Variants in GPAM observed in about 807,000 individuals in gnomAD.
GPAM encodes glycerol-3-phosphate acyltransferase, mitochondrial.
GPAM carries 56 observed loss-of-function variants against 105.0 expected under a neutral mutation model. The ratio of observed to expected loss-of-function variants is 0.53; its 90% CI spans 0.43 to 0.67. GPAM has a LOEUF of 0.67. Among genes scored for constraint, GPAM ranks in the 30% least tolerant of loss-of-function variants. The pLI, the probability that GPAM is intolerant of heterozygous loss-of-function variation, is 0.00. For synonymous variants in GPAM, 368 were observed against 354.4 expected, an observed-to-expected ratio of 1.04 and a Z score of -0.43; for missense variants, 855 against 989.8, an observed-to-expected ratio of 0.86 and a Z score of 1.83.
At chr10:112,192,350 A>G (rs1274252312) in intron 1 of GPAM, among the ~76,000 whole-genome samples, 2 of 152,244 alleles carry the variant, frequency 1.3e-5, no homozygotes, top group Non-Finnish European at 2.9e-5. Context: ...GGATGGAGAC[A>G]GTAGGAAGAA....
Position 112,157,566 on chromosome 10 carries a change from G to A in GPAM, c.1981-177C>T, listed in dbSNP as rs149104507. 3.3e-3 allele frequency among the ~76,000 whole-genome samples: 497 copies of A among 152,238 alleles called. 2 individuals are homozygous for A. The highest frequency in any genetic ancestry group is 0.012 in the African/African-American group (479 of 41,522). ...CTCAAACTCAGTCAGGAGACAGCAG[G>A]AGACAAAAGAAAGGGCAGGTGGGAG... On this transcript the variant is annotated intron_variant, in intron 18 of 21. Transcript: ENST00000348367.
chr10:112,199,479 T>C (rs1441268974), intron 1 of GPAM, among the ~76,000 whole-genome samples: 1 of 152,162 alleles, frequency 6.6e-6, no homozygotes, highest in African/African-American at 2.4e-5. Context: ...TTGTACAGCA[T>C]AGTGACTATA....
chr10:112,212,761 C>T (rs1488888519), intron 1 of GPAM, among the ~76,000 whole-genome samples: 1 of 152,190 alleles, frequency 6.6e-6, no homozygotes, highest in African/African-American at 2.4e-5. Context: ...TCATCTGAAA[C>T]ACAGGGTGGT....
At chr10:112,227,271 G>A in the GPAM span, among the ~76,000 whole-genome samples, 1 of 152,216 alleles carries the variant, frequency 6.6e-6, no homozygotes, top group Non-Finnish European at 1.5e-5. Context: ...GACAGTTAAT[G>A]TGATCTTTCC....
At chr10:112,189,107 C>T (rs1214773250) in intron 1 of GPAM, among the ~76,000 whole-genome samples, 1 of 152,066 alleles carries the variant, frequency 6.6e-6, no homozygotes, top group Non-Finnish European at 1.5e-5. Flanking sequence ...AACTGACTTG[C>T]AAAAATCTAA....
Position 112,161,686 on chromosome 10 carries a change from A to T in GPAM, c.1475T>A (p.Leu492His). ...ACATACCTGCCTGTGTCTGTAGAGG[A>T]GCAGGCAAGCCACAATGTGTGTGGA... ...IMSTHIVACLLLYRHRQGIDL... is the reference protein window; with the variant it reads ...IMSTHIVACLHLYRHRQGIDL... Residue 492 changes from leucine (L) to histidine (H), a missense_variant, in exon 15 of 22, where the codon CTC becomes CAC. Transcript: ENST00000348367. 6.2e-7 allele frequency: 1 copy of T among 1,613,300 alleles called. No individual in the cohort carries two copies. The highest frequency in any genetic ancestry group is 8.5e-7 in the Non-Finnish European group (1 of 1,179,334).
At chr10:112,184,340 T>G (rs534469826), upstream of GPAM, among the ~76,000 whole-genome samples, 2 of 152,174 alleles carry the variant, frequency 1.3e-5, no homozygotes, top group Non-Finnish European at 2.9e-5. Context: ...TAATAATGTA[T>G]TATACAGTTC....
At chr10:112,177,872 A>G (rs1157936503) in intron 5 of GPAM, 112 bp downstream of exon 5, 2 of 670,526 alleles carry the variant, frequency 3.0e-6, no homozygotes, top group African/African-American at 1.8e-5. Context: ...TCAGAAACTC[A>G]TATTCTATTC....
intron 1 of GPAM, among the ~76,000 whole-genome samples, chr10:112,199,071 C>T (rs968956609): frequency 3.3e-5 from 5 of 150,564 alleles, no homozygotes; most frequent in Admixed American, 6.6e-5. Context: ...TACAGACACA[C>T]GCCGCCACGC....
intron 12 of GPAM, among the ~76,000 whole-genome samples, chr10:112,165,359 A>G: frequency 6.6e-6 from 1 of 152,110 alleles, no homozygotes; most frequent in Non-Finnish European, 1.5e-5. Flanking sequence ...ATTCTACACA[A>G]TAGGACATAG....
At chr10:112,173,887 TACTACA>T in intron 6 of GPAM, 42 bp from the exon 7 acceptor site, 1 of 1,490,058 alleles carries the variant, frequency 6.7e-7, no homozygotes, top group Non-Finnish European at 9.4e-7. Flanking sequence ...ATTGTTTCTA[TACTACA>T]TTCTGTATTC....
At chr10:112,193,486 T>G (rs1198198117) in intron 1 of GPAM, among the ~76,000 whole-genome samples, 1 of 152,146 alleles carries the variant, frequency 6.6e-6, no homozygotes. Context: ...GGATGGGGAA[T>G]AGATCCAAGG....
intron 1 of GPAM, among the ~76,000 whole-genome samples, chr10:112,202,991 A>G (rs1026804516): frequency 6.6e-6 from 1 of 152,134 alleles, no homozygotes; most frequent in African/African-American, 2.4e-5. Context: ...GAACTTTGAG[A>G]AGGTGGGAGA....
intron 1 of GPAM, among the ~76,000 whole-genome samples, chr10:112,213,340 A>G (rs1847933777): frequency 6.6e-6 from 1 of 152,166 alleles, no homozygotes. Context: ...AAATGGGTTG[A>G]CACTCACCTC....
intron 1 of GPAM, among the ~76,000 whole-genome samples, chr10:112,193,549 C>T (rs1847687662): frequency 6.6e-6 from 1 of 152,168 alleles, no homozygotes; most frequent in South Asian, 2.1e-4. Flanking sequence ...GGGTTAGAAA[C>T]TATTATTACT....
chr10:112,180,572 G>A lies in GPAM; in HGVS notation c.126C>T (p.Thr42=), dbSNP rs549878574. The change falls in exon 4 of 22, where the codon ACC becomes ACT. Residue 42 remains threonine, a synonymous_variant. Coordinates refer to ENST00000348367, the MANE Select transcript of GPAM (RefSeq NM_001244949.2). ...ATTTTAAAGTTGCAGATCTGAAGAT[G>A]GTGGGTCTAAAGCCACACTCACCCT... ...EEWGECGFRP[T]IFRSATLKWK... The A allele has an allele frequency of 3.0e-5, 48 of 1,609,984 alleles. No individual in the cohort carries two copies. Among genetic ancestry groups the A allele is most frequent in the African/African-American group, 2.1e-4 (16 of 74,868 alleles).
chr10:112,161,537 A>G lies in GPAM; in HGVS notation c.1494+130T>C. On this transcript the variant is annotated intron_variant, in intron 15 of 21. Transcript: ENST00000348367. Reference sequence around the variant, plus strand: ...ATAAGCTCCTTTGGGCAGGGTCCTCAGCTTATTTTACTGTTTACCTCATAG... The same window carrying G: ...ATAAGCTCCTTTGGGCAGGGTCCTCGGCTTATTTTACTGTTTACCTCATAG... The G allele has an allele frequency of 8.2e-6, 6 of 730,100 alleles. 1 individual carries two copies. The highest frequency in any genetic ancestry group is 7.4e-5 in the South Asian group (5 of 67,178). The allele number at this position is 730,100 out of a possible 1,614,324, so 45.2% of individuals were successfully genotyped here. A position where few individuals can be genotyped will look rare whatever the true frequency, so the allele number is the denominator to read the frequency against.
chr10:112,200,157 T>G (rs1034210235), intron 1 of GPAM, among the ~76,000 whole-genome samples: 1 of 117,848 alleles, frequency 8.5e-6, no homozygotes, highest in Non-Finnish European at 1.7e-5. Context: ...TATTTACACA[T>G]TGTAAAGGAA....
intron 17 of GPAM, 83 bp from the exon 18 acceptor site, chr10:112,158,476 TG>T (rs1847059219): frequency 1.2e-5 from 10 of 857,270 alleles, no homozygotes; most frequent in Middle Eastern, 2.7e-4. Flanking sequence ...ACAAGGTAGC[TG>T]CCAAAGCCTT....
Sources: allele counts gnomAD v4.1 joint callset (sites outside exome capture counted in the v4.1 genomes callset), GRCh38; gene constraint gnomAD v4.1.1; transcripts MANE v1.5; gene names NCBI Gene and HGNC (gene_info 2026-07-23, HGNC 2026-07-21).